The following WNK1 variants were observed in gnomAD, a reference collection of about 807,000 sequenced individuals.
The protein encoded by WNK1 is serine/threonine-protein kinase WNK1.
A neutral mutation model predicts 222.8 loss-of-function variants in WNK1; 38 were observed. The observed-to-expected ratio is 0.17, with a 90% confidence interval of 0.13 to 0.22. The LOEUF is 0.22. Among genes scored for constraint, WNK1 ranks in the 10% least tolerant of loss-of-function variants. WNK1 has a pLI of 1.00. For missense variants in WNK1, 2,348 were observed against 2,918.4 expected, an observed-to-expected ratio of 0.80 and a Z score of 4.50; for synonymous variants, 1,090 against 1,092.9, an observed-to-expected ratio of 1.00 and a Z score of 0.05.
intron 4 of WNK1, among the ~76,000 whole-genome samples, chr12:853,818 A>G (rs779684972): frequency 2.0e-5 from 3 of 151,848 alleles, no homozygotes; most frequent in Non-Finnish European, 4.4e-5. Flanking sequence ...TGGCACAATC[A>G]TGGCTCACTG....
intron 1 of WNK1, among the ~76,000 whole-genome samples, chr12:787,207 C>T (rs1300819133): frequency 1.3e-5 from 2 of 152,158 alleles, no homozygotes; most frequent in African/African-American, 4.8e-5. Flanking sequence ...AATGGCAAAG[C>T]ACAGACTCTA....
chr12:784,222 C>T (rs993025549), intron 1 of WNK1, among the ~76,000 whole-genome samples: 5 of 152,062 alleles, frequency 3.3e-5, no homozygotes, highest in Non-Finnish European at 7.4e-5. Flanking sequence ...ACTCCCATCT[C>T]TAAAGAAATT....
intron 1 of WNK1, among the ~76,000 whole-genome samples, chr12:769,056 C>T (rs1221930062): frequency 6.6e-6 from 1 of 151,980 alleles, no homozygotes. Flanking sequence ...GATCCACCCG[C>T]CTCAGCCTCC....
At chr12:900,835 A>G in intron 26 of WNK1, 165 bp downstream of exon 26, 1 of 863,400 alleles carries the variant, frequency 1.2e-6, no homozygotes, top group Non-Finnish European at 1.9e-6. Context: ...GATAATGAGA[A>G]TCGGTGGGCT....
chr12:892,740 G>T (rs375884373), intron 22 of WNK1, among the ~76,000 whole-genome samples: 18 of 152,024 alleles, frequency 1.2e-4, no homozygotes, highest in Non-Finnish European at 2.4e-4. Context: ...TTTAATGTCC[G>T]TAATGATAGA....
chr12:810,783 C>G (rs1946832651), intron 1 of WNK1, among the ~76,000 whole-genome samples: 1 of 152,192 alleles, frequency 6.6e-6, no homozygotes, highest in Non-Finnish European at 1.5e-5. Context: ...GTGCTTCTCA[C>G]TCCAGAAGAA....
In WNK1 at chr12:758,578, G is replaced by A. The variant is rs553557677; in HGVS notation, c.759+4254G>A. On this transcript the variant is annotated intron_variant, in intron 1 of 27. Transcript: ENST00000315939. Reference sequence around the variant, plus strand: ...AATTTTTTGTATTTTTAGTAGAGACGGGGTTTCACCTTGTTAGCCAGGATG... The same window carrying A: ...AATTTTTTGTATTTTTAGTAGAGACAGGGTTTCACCTTGTTAGCCAGGATG... Among the ~76,000 whole-genome samples, 63 of 144,934 alleles carry A rather than the reference G, an allele frequency of 4.3e-4. 1 individual carries two copies. Among genetic ancestry groups the A allele is most frequent in the African/African-American group, 1.4e-3 (59 of 40,804 alleles).
intron 26 of WNK1, among the ~76,000 whole-genome samples, chr12:904,909 A>G (rs1955573580): frequency 6.6e-6 from 1 of 152,226 alleles, no homozygotes; most frequent in Non-Finnish European, 1.5e-5. Flanking sequence ...GACGAGGAGA[A>G]AAACACCACT....
At chr12:865,801 T>C (rs1464610233) in intron 8 of WNK1, among the ~76,000 whole-genome samples, 2 of 152,200 alleles carry the variant, frequency 1.3e-5, no homozygotes. Flanking sequence ...GAGTCCTTTT[T>C]TTTTTTAATA....
intron 1 of WNK1, among the ~76,000 whole-genome samples, chr12:809,215 T>C (rs367667698): frequency 6.8e-6 from 1 of 147,070 alleles, no homozygotes; most frequent in African/African-American, 2.5e-5. Context: ...TTTTTTCCTA[T>C]TCTTTTGAGG....
chr12:753,290 T>TG lies in WNK1; in HGVS notation c.-275dup. On this transcript the variant is annotated 5_prime_UTR_variant, in exon 1 of 28. The change abolishes the stop of an existing upstream ORF in the 5' untranslated region. Transcript: ENST00000315939. The surrounding 1 kb of genome is among the most constrained non-coding windows in gnomAD (Gnocchi z 5.2). ...CTCGCCGCAGGATGGATGCGGACCG[T>TG]GCGGCGCTAACCCCCGTGGCTCAGC... is the stretch of plus-strand genomic sequence containing the variant. 1 of 498,260 alleles carries TG rather than the reference T, an allele frequency of 2.0e-6. No homozygotes were observed. Among genetic ancestry groups the TG allele is most frequent in the Non-Finnish European group, 3.6e-6 (1 of 279,514 alleles). 30.9% of individuals were successfully genotyped at this position (498,260 alleles called of 1,614,324 possible). A position where few individuals can be genotyped will look rare whatever the true frequency, so the allele number is the denominator to read the frequency against.
chr12:863,873 G>A (rs1951407337), intron 8 of WNK1, among the ~76,000 whole-genome samples: 1 of 152,076 alleles, frequency 6.6e-6, no homozygotes, highest in Non-Finnish European at 1.5e-5. Context: ...AGGCTAGAGA[G>A]AAATCAAAAC....
intron 4 of WNK1, 118 bp downstream of exon 4, chr12:830,278 T>C (rs952611471): frequency 2.2e-5 from 26 of 1,164,096 alleles, no homozygotes; most frequent in Non-Finnish European, 3.0e-5. Flanking sequence ...GAGTGAACTG[T>C]TGGGGTTGGG....
intron 4 of WNK1, among the ~76,000 whole-genome samples, chr12:843,473 C>A (rs6489754): frequency 0.015 from 2,231 of 152,194 alleles, 57 homozygotes; most frequent in African/African-American, 0.051. Context: ...TAAAAACTTA[C>A]TGAGAAGAGG....
At chr12:767,223 T>TG (rs1941834959) in intron 1 of WNK1, among the ~76,000 whole-genome samples, 1 of 146,526 alleles carries the variant, frequency 6.8e-6, no homozygotes, top group Admixed American at 6.8e-5. Flanking sequence ...GCAGACTTTC[T>TG]GGGTTGATAG....
intron 27 of WNK1, 37 bp downstream of exon 27, chr12:908,071 A>G (rs1222002474): frequency 1.2e-6 from 2 of 1,609,360 alleles, no homozygotes; most frequent in Non-Finnish European, 1.7e-6. Flanking sequence ...TCCGTAACAC[A>G]CATCTGAGTC....
chr12:889,053 A>G (rs919143088), intron 20 of WNK1, 87 bp from the exon 21 acceptor site: 1 of 1,001,942 alleles, frequency 1.0e-6, no homozygotes. Context: ...TATAAAGCAT[A>G]AAACAGTGTG....
intron 8 of WNK1, 55 bp downstream of exon 8, chr12:862,325 G>C (rs1951281277): frequency 6.3e-7 from 1 of 1,581,964 alleles, no homozygotes; most frequent in South Asian, 1.1e-5. Context: ...TGGATAGTCT[G>C]CTAAATTAAA....
chr12:843,061 A>T (rs1331401249), intron 4 of WNK1, among the ~76,000 whole-genome samples: 1 of 152,074 alleles, frequency 6.6e-6, no homozygotes, highest in Non-Finnish European at 1.5e-5. Context: ...TCAGCCTCCC[A>T]GGTAGCTGGG....
Sources: allele counts gnomAD v4.1 joint callset (sites outside exome capture counted in the v4.1 genomes callset), GRCh38; gene constraint gnomAD v4.1.1; non-coding constraint Gnocchi (gnomAD v3.1); transcripts MANE v1.5; gene names NCBI Gene and HGNC (gene_info 2026-07-23, HGNC 2026-07-21).